Variants in SRFBP1 observed in about 807,000 individuals in gnomAD.
SRFBP1 encodes serum response factor-binding protein 1.
Under a neutral mutation model 45.5 loss-of-function variants are expected in SRFBP1, and 47 were observed. That is an observed-to-expected ratio of 1.03 (90% CI 0.82 to 1.32). The LOEUF is 1.32. Among genes scored for constraint, SRFBP1 ranks in the 40% most tolerant of loss-of-function variants. The pLI is 0.00. For missense variants in SRFBP1, 621 were observed against 484.6 expected, an observed-to-expected ratio of 1.28 and a Z score of -2.64; for synonymous variants, 203 against 166.3, an observed-to-expected ratio of 1.22 and a Z score of -1.70.
chr5:122,005,529 GATAAA>G (rs1367977608), intron 4 of SRFBP1, among the ~76,000 whole-genome samples: 1 of 152,078 alleles, frequency 6.6e-6, no homozygotes, highest in African/African-American at 2.4e-5. Flanking sequence ...AGTCCTTACA[GATAAA>G]ATAAGTCTCT....
At chr5:121,989,118 C>A (rs112103589) in intron 3 of SRFBP1, among the ~76,000 whole-genome samples, 5,809 of 152,102 alleles carry the variant, frequency 0.038, 324 homozygotes, top group African/African-American at 0.12. Context: ...GGCTGGAGTG[C>A]AGTGGCATGA....
At chr5:121,975,535 C>T in intron 3 of SRFBP1, 148 bp downstream of exon 3, 1 of 840,238 alleles carries the variant, frequency 1.2e-6, no homozygotes, top group Non-Finnish European at 1.8e-6. Flanking sequence ...GAATGTAGCA[C>T]ATTTAGAAAA....
intron 7 of SRFBP1, among the ~76,000 whole-genome samples, chr5:122,024,671 A>C (rs1753439202): frequency 1.3e-5 from 2 of 152,214 alleles, no homozygotes; most frequent in African/African-American, 4.8e-5. Flanking sequence ...GTATGCCTAA[A>C]AGGAAGATAA....
chr5:122,029,058 C>T (rs75108784), downstream of SRFBP1, among the ~76,000 whole-genome samples: 2 of 151,880 alleles, frequency 1.3e-5, no homozygotes, highest in African/African-American at 4.8e-5. Context: ...CATTGGTTCT[C>T]GACTTGGAGT....
chr5:122,049,776 C>G (rs1161596164), intron 2 of SRFBP1, among the ~76,000 whole-genome samples: 1 of 152,184 alleles, frequency 6.6e-6, no homozygotes, highest in Non-Finnish European at 1.5e-5. Flanking sequence ...TGAATGACTA[C>G]TCGGTACATA....
downstream of SRFBP1, chr5:122,077,517 G>A (rs376742079): frequency 3.1e-5 from 50 of 1,613,718 alleles, no homozygotes; most frequent in Non-Finnish European, 3.7e-5. This position sits in a 1 kb window ranked among gnomAD's most constrained non-coding sequence, Gnocchi z 4.9. Context: ...GGCGGCCGCA[G>A]GTTACTGAGC....
chr5:121,972,930 A>G (rs1752229092), intron 1 of SRFBP1, among the ~76,000 whole-genome samples: 1 of 151,968 alleles, frequency 6.6e-6, no homozygotes, highest in African/African-American at 2.4e-5. Flanking sequence ...TGGACATGCA[A>G]GTTACACAGA....
chr5:122,005,813 TTCC>T (rs975637115), intron 4 of SRFBP1, among the ~76,000 whole-genome samples: 8 of 152,172 alleles, frequency 5.3e-5, no homozygotes, highest in African/African-American at 1.9e-4. Context: ...TATACTTTTA[TTCC>T]TCCTCCTCCT....
At chr5:121,989,970 G>A (rs1380484047) in intron 3 of SRFBP1, among the ~76,000 whole-genome samples, 1 of 152,020 alleles carries the variant, frequency 6.6e-6, no homozygotes, top group African/African-American at 2.4e-5. Context: ...TCTTGGATTT[G>A]AATTTTTTCC....
chr5:122,004,715 T>C (rs2112688634), intron 4 of SRFBP1, among the ~76,000 whole-genome samples: 1 of 152,278 alleles, frequency 6.6e-6, no homozygotes, highest in East Asian at 1.9e-4. Context: ...TTTGTTCTTA[T>C]TTTTCTAATT....
chr5:122,003,532 T>C (rs1340496102), intron 4 of SRFBP1, among the ~76,000 whole-genome samples: 5 of 152,192 alleles, frequency 3.3e-5, no homozygotes. Flanking sequence ...TATATGTCCT[T>C]AGCATACTGA....
intron 4 of SRFBP1, among the ~76,000 whole-genome samples, chr5:122,012,677 T>C (rs1753119741): frequency 6.6e-6 from 1 of 152,150 alleles, no homozygotes; most frequent in African/African-American, 2.4e-5. Flanking sequence ...TAAGGAGATA[T>C]ATGTCTCTCC....
rs1250611134 is a variant in SRFBP1, at chr5:122,050,609, T to A, written n.312-24706T>A. Among the ~76,000 whole-genome samples the A allele has an allele frequency of 2.6e-5, 4 of 152,082 alleles. No homozygotes were observed. In the East Asian group the frequency reaches 7.7e-4, roughly 29 times the overall value. On this transcript the variant is annotated intron_variant and non_coding_transcript_variant, in intron 2 of 2. Coordinates refer to the SRFBP1 transcript ENST00000504881. ...TGTGGGGTCAGTGGTAAAGTCCTCT[T>A]TGTTGTTTCTAATTGTGTTTATTTG...
chr5:122,068,610 A>G (rs903155599), intron 2 of SRFBP1, among the ~76,000 whole-genome samples: 2 of 152,190 alleles, frequency 1.3e-5, no homozygotes, highest in African/African-American at 2.4e-5. Context: ...GACAATGGGT[A>G]TACAACAGTG....
At chr5:121,962,115 C>A (rs1285115513) in intron 1 of SRFBP1, 47 bp downstream of exon 1, 12 of 1,610,860 alleles carry the variant, frequency 7.4e-6, no homozygotes, top group Middle Eastern at 1.7e-4. Flanking sequence ...GTCCTCAAAA[C>A]CAGCTCTTTT....
At chr5:122,018,201 G>A (rs899005287) in intron 4 of SRFBP1, among the ~76,000 whole-genome samples, 6 of 152,140 alleles carry the variant, frequency 3.9e-5, no homozygotes, top group African/African-American at 1.4e-4. Context: ...GAACAGATAT[G>A]GAAATAGCAT....
At chr5:121,997,205 A>ATGGC (rs1752746765) in intron 4 of SRFBP1, among the ~76,000 whole-genome samples, 1 of 149,274 alleles carries the variant, frequency 6.7e-6, no homozygotes, top group East Asian at 1.9e-4. Context: ...CCCCATCGCC[A>ATGGC]AGTCAATCCT....
intron 2 of SRFBP1, among the ~76,000 whole-genome samples, chr5:122,055,627 A>G (rs1176875268): frequency 1.3e-5 from 2 of 152,252 alleles, no homozygotes; most frequent in Non-Finnish European, 2.9e-5. Context: ...CAATAAAAAA[A>G]GACATATTTA....
downstream of SRFBP1, among the ~76,000 whole-genome samples, chr5:122,028,789 T>A (rs2112718598): frequency 6.6e-6 from 1 of 152,350 alleles, no homozygotes; most frequent in South Asian, 2.1e-4. Flanking sequence ...ACCCAGAGTT[T>A]GCCAGACTGT....
Sources: gnomAD v4.1 joint callset for allele counts (sites outside exome capture counted in the v4.1 genomes callset) on GRCh38, gnomAD v4.1.1 for gene constraint, Gnocchi (gnomAD v3.1) non-coding constraint, MANE v1.5 for transcripts, NCBI Gene and HGNC (gene_info 2026-07-23, HGNC 2026-07-21) for gene names.